Variants in CEP128 observed in about 807,000 individuals in gnomAD.
CEP128 encodes the protein centrosomal protein 128kDa.
A neutral mutation model predicts 156.7 loss-of-function variants in CEP128; 132 were observed. That is an observed-to-expected ratio of 0.84 (90% CI 0.73 to 0.97). The LOEUF is 0.97. CEP128 is among the 50% of genes least tolerant of loss of function. The pLI, the probability that CEP128 is intolerant of heterozygous loss-of-function variation, is 0.00. For synonymous variants in CEP128, 469 were observed against 448.9 expected (o/e 1.04, Z -0.57); for missense variants, 1,252 against 1,281.9 (o/e 0.98, Z 0.36).
chr14:80,788,288 C>T (rs200906548), intron 14 of CEP128, among the ~76,000 whole-genome samples: 58 of 97,220 alleles, frequency 6.0e-4, no homozygotes, highest in South Asian at 2.7e-3. Context: ...TGGCCAGGAT[C>T]TTTTTTTTTT....
At chr14:80,926,361 T>G (rs1223562923) in intron 2 of CEP128, among the ~76,000 whole-genome samples, 2 of 152,112 alleles carry the variant, frequency 1.3e-5, no homozygotes, top group Non-Finnish European at 2.9e-5. Flanking sequence ...GGGAGCTGAG[T>G]GGGGCTTACT....
intron 19 of CEP128, among the ~76,000 whole-genome samples, chr14:80,592,589 A>G (rs1357613023): frequency 6.6e-6 from 1 of 152,216 alleles, no homozygotes; most frequent in Non-Finnish European, 1.5e-5. Flanking sequence ...AGCTGGTACC[A>G]TTCCTTCTGA....
chr14:80,927,828 C>G (rs926921369), intron 2 of CEP128, among the ~76,000 whole-genome samples: 3 of 152,176 alleles, frequency 2.0e-5, no homozygotes, highest in Non-Finnish European at 4.4e-5. Context: ...CTGTTCAACC[C>G]AGTAAATAAA....
At chr14:80,923,807 A>C (rs1885005779) in intron 2 of CEP128, among the ~76,000 whole-genome samples, 1 of 152,162 alleles carries the variant, frequency 6.6e-6, no homozygotes, top group Non-Finnish European at 1.5e-5. Context: ...ATCTCATCTT[A>C]AATTGTAATC....
At chr14:80,660,060 A>G (rs1352531569) in intron 19 of CEP128, among the ~76,000 whole-genome samples, 1 of 152,168 alleles carries the variant, frequency 6.6e-6, no homozygotes, top group South Asian at 2.1e-4. Flanking sequence ...AATGCTTACA[A>G]ATGGATAGGG....
chr14:80,935,179 A>G (rs1885712867), intron 2 of CEP128, among the ~76,000 whole-genome samples: 1 of 152,236 alleles, frequency 6.6e-6, no homozygotes, highest in Non-Finnish European at 1.5e-5. Context: ...GCAAAAAACA[A>G]AAACAAACAA....
intron 16 of CEP128, among the ~76,000 whole-genome samples, chr14:80,764,453 T>C (rs994598055): frequency 1.3e-5 from 2 of 150,340 alleles, no homozygotes; most frequent in Non-Finnish European, 3.0e-5. Context: ...GAGCCGAGAT[T>C]GCGCCACTGC....
chr14:80,719,433 C>T (rs954812683), intron 19 of CEP128, among the ~76,000 whole-genome samples: 7 of 152,174 alleles, frequency 4.6e-5, no homozygotes, highest in African/African-American at 1.7e-4. Context: ...GGGCTAAGCC[C>T]CAATTTTAGG....
intron 17 of CEP128, 25 bp from the exon 18 acceptor site, chr14:80,756,976 A>G (rs900769866): frequency 1.6e-5 from 23 of 1,464,938 alleles, no homozygotes; most frequent in Non-Finnish European, 2.1e-5. Context: ...ACAGTCGATT[A>G]GAAATACATT....
intron 14 of CEP128, among the ~76,000 whole-genome samples, chr14:80,481,753 C>T (rs1369692541): frequency 1.3e-5 from 2 of 152,210 alleles, no homozygotes; most frequent in Non-Finnish European, 2.9e-5. Flanking sequence ...AATCCCCTTA[C>T]AGTAGTCAGG....
intron 12 of CEP128, among the ~76,000 whole-genome samples, chr14:80,834,348 C>G (rs185265903): frequency 8.3e-4 from 127 of 152,128 alleles, no homozygotes; most frequent in African/African-American, 2.9e-3. Flanking sequence ...AGTAATGCAA[C>G]GACATCCTTG....
At chr14:80,762,444 A>G (rs1053330769) in intron 16 of CEP128, among the ~76,000 whole-genome samples, 5 of 152,180 alleles carry the variant, frequency 3.3e-5, no homozygotes, top group Non-Finnish European at 7.4e-5. Flanking sequence ...GCTAAATACA[A>G]CAAAACCAGG....
At chr14:80,649,752 T>G (rs1469001464) in intron 19 of CEP128, among the ~76,000 whole-genome samples, 1 of 152,174 alleles carries the variant, frequency 6.6e-6, no homozygotes, top group African/African-American at 2.4e-5. Context: ...TTCTGAGGCC[T>G]CTGTTCTGGT....
intron 19 of CEP128, among the ~76,000 whole-genome samples, chr14:80,619,882 T>C (rs909076318): frequency 2.0e-5 from 3 of 150,322 alleles, no homozygotes; most frequent in Non-Finnish European, 4.4e-5. Flanking sequence ...CCCAGCACTT[T>C]GGGAGGTCGA....
chr14:80,732,670 C>T (rs1437801973), intron 19 of CEP128, among the ~76,000 whole-genome samples: 1 of 152,092 alleles, frequency 6.6e-6, no homozygotes, highest in Non-Finnish European at 1.5e-5. Context: ...GTCACTCTTA[C>T]CAAATGCTTT....
intron 19 of CEP128, among the ~76,000 whole-genome samples, chr14:80,584,599 G>A (rs944418092): frequency 5.3e-5 from 8 of 152,326 alleles, no homozygotes; most frequent in Admixed American, 1.3e-4. Flanking sequence ...CATTTGGAAT[G>A]ATGAACACGG....
At chr14:80,955,584 G>C in intron 2 of CEP128, 1 of 1,429,254 alleles carries the variant, frequency 7.0e-7, no homozygotes, top group Non-Finnish European at 9.8e-7. Flanking sequence ...CACCCCTCCC[G>C]CTCCCGGGTC....
chr14:80,562,655 C>CTTTTTTTT (rs1170778718), intron 20 of CEP128, among the ~76,000 whole-genome samples: 14 of 114,384 alleles, frequency 1.2e-4, no homozygotes, highest in African/African-American at 2.5e-4. Flanking sequence ...CTTTTCTTTT[C>CTTTTTTTT]TTTTTTTTTT....
chr14:80,691,965 CAAGT>C (rs1411342978), intron 19 of CEP128, among the ~76,000 whole-genome samples: 1 of 151,998 alleles, frequency 6.6e-6, no homozygotes, highest in African/African-American at 2.4e-5. Flanking sequence ...CAACACAAAT[CAAGT>C]AAGTAGGACA....
Sources: gnomAD v4.1 joint callset for allele counts (sites outside exome capture counted in the v4.1 genomes callset) on GRCh38, gnomAD v4.1.1 for gene constraint, MANE v1.5 for transcripts, NCBI Gene and HGNC (gene_info 2026-07-23, HGNC 2026-07-21) for gene names.